The following ZCWPW1 variants were observed in gnomAD, a reference collection of about 807,000 sequenced individuals.
ZCWPW1 encodes the protein zinc finger CW-type and PWWP domain containing 1.
A neutral mutation model predicts 81.3 loss-of-function variants in ZCWPW1; 56 were observed. The ratio of observed to expected loss-of-function variants is 0.69; its 90% confidence interval spans 0.56 to 0.86. The LOEUF is 0.86. ZCWPW1 is among the 40% of genes least tolerant of loss of function. ZCWPW1 has a pLI of 0.00. For missense variants in ZCWPW1, 650 were observed against 769.8 expected (o/e 0.84, Z 1.84); for synonymous variants, 250 against 273.7 (o/e 0.91, Z 0.86).
chr7:100,413,515 C>A (rs1794620671), intron 8 of ZCWPW1, among the ~76,000 whole-genome samples: 1 of 152,242 alleles, frequency 6.6e-6, no homozygotes, highest in South Asian at 2.1e-4. Context: ...CTGCTCTTTT[C>A]CTTCTCTGTA....
At chr7:100,423,641 C>T (rs947941502) in intron 2 of ZCWPW1, among the ~76,000 whole-genome samples, 1 of 152,144 alleles carries the variant, frequency 6.6e-6, no homozygotes, top group African/African-American at 2.4e-5. Context: ...CATTTTCTTG[C>T]TGTTTCCATT....
intron 1 of ZCWPW1, among the ~76,000 whole-genome samples, chr7:100,428,164 G>T (rs1404655959): frequency 6.6e-6 from 1 of 152,294 alleles, no homozygotes; most frequent in East Asian, 1.9e-4. Flanking sequence ...ACCTTCAGGA[G>T]CAAGGAGGAC....
At chr7:100,407,373 T>C in intron 10 of ZCWPW1, 70 bp from the exon 11 acceptor site, 1 of 1,354,156 alleles carries the variant, frequency 7.4e-7, no homozygotes, top group East Asian at 2.4e-5. Context: ...ACCTCATCAA[T>C]GTACATGCAC....
intron 2 of ZCWPW1, 53 bp from the exon 3 acceptor site, chr7:100,420,731 ACTTT>A: frequency 6.4e-7 from 1 of 1,566,632 alleles, no homozygotes; most frequent in South Asian, 1.1e-5. Flanking sequence ...AAGATTTTAA[ACTTT>A]CTGTCTACTT....
At chr7:100,403,914 T>C in intron 14 of ZCWPW1, 129 bp from the exon 15 acceptor site, 1 of 1,062,404 alleles carries the variant, frequency 9.4e-7, no homozygotes, top group African/African-American at 1.6e-5. Context: ...CTCCATAAAA[T>C]GTGATCCCAG....
At chr7:100,404,324 TATG>T in intron 13 of ZCWPW1, 80 bp from the exon 14 acceptor site, 1 of 1,262,726 alleles carries the variant, frequency 7.9e-7, no homozygotes. Context: ...GGAATTTAGT[TATG>T]ATGAAATTCT....
At chr7:100,411,216 C>T (rs990514074) in intron 8 of ZCWPW1, among the ~76,000 whole-genome samples, 4 of 152,020 alleles carry the variant, frequency 2.6e-5, no homozygotes, top group South Asian at 2.1e-4. Flanking sequence ...GAAAAGTTGA[C>T]GTGCATTTGG....
At chr7:100,420,533 G>A in intron 3 of ZCWPW1, 89 bp downstream of exon 3, 1 of 1,507,932 alleles carries the variant, frequency 6.6e-7, no homozygotes, top group South Asian at 1.1e-5. Context: ...AGAATATAGG[G>A]ACCCGTACCA....
At position 100,416,427 on chromosome 7, in the gene ZCWPW1, G is replaced by A. The variant is rs1241155020; in HGVS notation, c.509C>T (p.Ser170Leu). 1.7e-5 allele frequency: 27 copies of A among 1,614,042 alleles called. No homozygotes were observed. In the Admixed American group the frequency reaches 4.5e-4, roughly 27 times the overall value. Residue 170 changes from serine (S) to leucine (L), a missense_variant, in exon 7 of 18, where the codon TCA becomes TTA. Ser to Leu is a moderately radical substitution (Grantham distance 145). Transcript: ENST00000684423. ...GEEVPHTQEI[S>L]VSWEGEAAPE... ...GGCAGCTTCACCTTCCCAAGACACT[G>A]AAATCTCTTGAGTATGTGGTACCTC...
In ZCWPW1 at chr7:100,420,694, A is replaced by C. The variant is rs771293970; in HGVS notation, c.-29-16T>G. ...TTGTGTGCCTCTGTTAGAAAAAAGAAATTAACTGCTATGACTCTGATTAAA... is the reference window on the plus strand; with the variant it reads ...TTGTGTGCCTCTGTTAGAAAAAAGACATTAACTGCTATGACTCTGATTAAA... On this transcript the variant is annotated splice_polypyrimidine_tract_variant and intron_variant, in intron 2 of 17. Transcript: ENST00000684423. 1 of 1,610,028 alleles carries C rather than the reference A, an allele frequency of 6.2e-7. No individual in the cohort carries two copies. The highest frequency in any genetic ancestry group is 8.5e-7 in the Non-Finnish European group (1 of 1,177,486).
Position 100,402,551 on chromosome 7 carries a change from C to G in ZCWPW1, c.1439G>C (p.Arg480Pro). The change falls in exon 16 of 18, where the codon CGA becomes CCA. Residue 480 changes from arginine to proline, a missense_variant. Physicochemically the swap from Arg to Pro is moderately radical, Grantham distance 103. Transcript: ENST00000684423. The part of the protein sequence containing the change: ...KTDPILPIRK[R>P]VKIQTQKTKP... ...GGTTTTTTGGGTCTGTATTTTGACT[C>G]GCTTACGAATGGGCAAAATTGGGTC... 6.2e-7 allele frequency: 1 copy of G among 1,614,000 alleles called. No homozygotes were observed.
At chr7:100,428,479 T>A (rs546163891) in intron 1 of ZCWPW1, 89 bp downstream of exon 1, 1 of 152,480 alleles carries the variant, frequency 6.6e-6, no homozygotes, top group Admixed American at 6.5e-5. Context: ...GAAGCACATC[T>A]ACTAACTTTT....
intron 8 of ZCWPW1, among the ~76,000 whole-genome samples, chr7:100,411,646 T>C (rs754391434): frequency 3.1e-4 from 47 of 152,012 alleles, no homozygotes; most frequent in Non-Finnish European, 6.0e-4. Context: ...CCAATAGTAG[T>C]TTTGGATGTT....
chr7:100,412,443 C>G (rs1794360412), intron 8 of ZCWPW1, among the ~76,000 whole-genome samples: 1 of 152,200 alleles, frequency 6.6e-6, no homozygotes, highest in South Asian at 2.1e-4. Flanking sequence ...ACCAATCATC[C>G]TTGACATACC....
At chr7:100,420,492 A>C (rs1796150707) in intron 3 of ZCWPW1, 130 bp downstream of exon 3, 1 of 999,584 alleles carries the variant, frequency 1.0e-6, no homozygotes, top group Admixed American at 2.1e-5. Context: ...CAAAGCATCT[A>C]GCAGAGCAGT....
chr7:100,407,427 C>G, intron 10 of ZCWPW1, 124 bp from the exon 11 acceptor site: 1 of 821,858 alleles, frequency 1.2e-6, no homozygotes, highest in African/African-American at 1.7e-5. Context: ...AGGTCTCACT[C>G]TGTCACCCAG....
intron 3 of ZCWPW1, 65 bp from the exon 4 acceptor site, chr7:100,419,948 A>C (rs936063657): frequency 4.4e-4 from 570 of 1,294,506 alleles, no homozygotes; most frequent in East Asian, 1.9e-3. Flanking sequence ...GCCAAACATT[A>C]CCCTTTGACT....
chr7:100,414,576 A>G (rs976839057), intron 8 of ZCWPW1, among the ~76,000 whole-genome samples: 1 of 151,772 alleles, frequency 6.6e-6, no homozygotes, highest in African/African-American at 2.4e-5. Flanking sequence ...CACTACATCC[A>G]GCTAATTTTT....
intron 12 of ZCWPW1, among the ~76,000 whole-genome samples, chr7:100,405,959 C>T (rs149544240): frequency 1.6e-4 from 24 of 152,290 alleles, no homozygotes; most frequent in African/African-American, 5.3e-4. Flanking sequence ...TTGGTGTCCT[C>T]TCCAAAGTGA....
Sources: gnomAD v4.1 joint callset for allele counts (sites outside exome capture counted in the v4.1 genomes callset) on GRCh38, gnomAD v4.1.1 for gene constraint, MANE v1.5 for transcripts, NCBI Gene and HGNC (gene_info 2026-07-23, HGNC 2026-07-21) for gene names.